FKBP6: variants seen among roughly 807,000 people sequenced by gnomAD.
The protein encoded by FKBP6 is FKBP prolyl isomerase family member 6 (inactive).
A neutral mutation model predicts 41.7 loss-of-function variants in FKBP6; 29 were observed. The ratio of observed to expected loss-of-function variants is 0.70; its 90% CI spans 0.52 to 0.95. FKBP6 has a LOEUF of 0.95. FKBP6 is among the 40% of genes least tolerant of loss of function. FKBP6 has a pLI of 0.00. For missense variants in FKBP6, 338 were observed against 408.7 expected (o/e 0.83, Z 1.49); for synonymous variants, 130 against 165.1 (o/e 0.79, Z 1.63).
intron 8 of FKBP6, among the ~76,000 whole-genome samples, chr7:73,348,283 A>T (rs1217341430): frequency 6.6e-6 from 1 of 152,102 alleles, no homozygotes; most frequent in Admixed American, 6.6e-5. Flanking sequence ...TGTCTTTTTC[A>T]TAATGCCACA....
chr7:73,333,447 C>T (rs1554548048), intron 5 of FKBP6, among the ~76,000 whole-genome samples: 1 of 152,206 alleles, frequency 6.6e-6, no homozygotes, highest in Admixed American at 6.5e-5. Flanking sequence ...TCCCAGCTTC[C>T]CATGAGCTTA....
intron 8 of FKBP6, among the ~76,000 whole-genome samples, chr7:73,346,503 G>A (rs1242373795): frequency 1.3e-5 from 2 of 152,218 alleles, no homozygotes; most frequent in Non-Finnish European, 2.9e-5. Context: ...GGGGCCCCAG[G>A]AGGGAGTTGT....
chr7:73,356,325 A>G (rs372297973), intron 8 of FKBP6, among the ~76,000 whole-genome samples: 1 of 152,186 alleles, frequency 6.6e-6, no homozygotes, highest in African/African-American at 2.4e-5. Context: ...TCATGGAGCT[A>G]TCCTCACGCC....
In FKBP6 at chr7:73,340,501, G is replaced by C. The variant is rs1259344504; in HGVS notation, c.589-137G>C. 15 of 719,780 alleles carry C rather than the reference G, an allele frequency of 2.1e-5. 1 individual carries two copies. In the African/African-American group the frequency reaches 2.3e-4, roughly 11 times the overall value. 44.6% of individuals were successfully genotyped at this position (719,780 alleles called of 1,614,324 possible). A position where few individuals can be genotyped will look rare whatever the true frequency, so the allele number is the denominator to read the frequency against. On this transcript the variant is annotated intron_variant, in intron 5 of 8. Coordinates refer to ENST00000252037, the MANE Select transcript of FKBP6 (RefSeq NM_003602.5). ...AAAAGAAGAAAAAAGAAATATACCT[G>C]ACTTCTTATGTTGATCTTGTGTCTT...
chr7:73,353,192 G>C (rs1326335355), intron 8 of FKBP6, among the ~76,000 whole-genome samples: 1 of 151,718 alleles, frequency 6.6e-6, no homozygotes, highest in Non-Finnish European at 1.5e-5. Flanking sequence ...TGACCCTCCT[G>C]CCTCCCTTTT....
At chr7:73,356,652 G>C (rs1258423261) in intron 8 of FKBP6, among the ~76,000 whole-genome samples, 7 of 152,174 alleles carry the variant, frequency 4.6e-5, no homozygotes, top group Non-Finnish European at 7.3e-5. Flanking sequence ...ACACCTTTCT[G>C]ATGTTTTTAA....
chr7:73,344,230 C>T lies in FKBP6; in HGVS notation c.*2+1331C>T, dbSNP rs117572401. On this transcript the variant is annotated intron_variant, in intron 8 of 8. Coordinates refer to ENST00000252037, the MANE Select transcript of FKBP6 (RefSeq NM_003602.5). The stretch of plus-strand genomic sequence containing the variant: ...ACAAGTCCTGTCATGAATGAAGACC[C>T]AGGTCTGCCAGGGTCCATCCCAGAC... 1.3e-3 allele frequency among the ~76,000 whole-genome samples: 202 copies of T among 152,324 alleles called. 4 individuals carry two copies. The East Asian group carries it at 0.037, about 28-fold the overall frequency.
At chr7:73,343,701 C>T (rs1217163406) in intron 8 of FKBP6, among the ~76,000 whole-genome samples, 1 of 152,148 alleles carries the variant, frequency 6.6e-6, no homozygotes, top group Non-Finnish European at 1.5e-5. Flanking sequence ...GATAACCCTC[C>T]AGTCTGAACC....
rs183854288 is a variant in FKBP6 at position 73,332,317 on chromosome 7, C to T, written c.588+541C>T. The stretch of plus-strand genomic sequence containing the variant: ...TGGCCAACATGGTGAAACCCCGTCT[C>T]TACTAAAAATACAAAATTAGCCGGG... On this transcript the variant is annotated intron_variant, in intron 5 of 8. Transcript: ENST00000252037. Among the ~76,000 whole-genome samples, 22 of 151,946 alleles carry T rather than the reference C, an allele frequency of 1.4e-4. No homozygotes were observed. The East Asian group carries it at 4.3e-3, about 30-fold the overall frequency.
intron 5 of FKBP6, among the ~76,000 whole-genome samples, chr7:73,333,538 A>G (rs1201697309): frequency 6.6e-6 from 1 of 152,074 alleles, no homozygotes; most frequent in Non-Finnish European, 1.5e-5. Context: ...TCTTAACATA[A>G]CACAAGCACC....
rs142842871 is a variant in FKBP6 at position 73,337,400 on chromosome 7, C to T, written c.589-3238C>T. On this transcript the variant is annotated intron_variant, in intron 5 of 8. Transcript: ENST00000252037. ...GCCATCTCGGCCTCACTACAACCTC[C>T]GCCTCCCAGGTTCAAGGGATTCTCC... Among the ~76,000 whole-genome samples the T allele has an allele frequency of 1.0e-3, 157 of 151,182 alleles. No homozygotes were observed. In the East Asian group the frequency reaches 0.024, roughly 23 times the overall value.
chr7:73,351,464 T>C lies in FKBP6; in HGVS notation c.*3-6717T>C, dbSNP rs577091446. 7.2e-5 allele frequency among the ~76,000 whole-genome samples: 11 copies of C among 152,332 alleles called. No individual in the cohort carries two copies. The East Asian group carries it at 1.9e-3, about 27-fold the overall frequency. On this transcript the variant is annotated intron_variant, in intron 8 of 8. Transcript: ENST00000252037. ...TTCTCTTATTGTCAGATGAAGGCCA[T>C]GCCCTGTTCCAGGCAAACTGTGTGA...
chr7:73,335,607 T>C lies in FKBP6; in HGVS notation c.588+3831T>C, dbSNP rs1804982640. ...TGATTGCTGAGGCCATCTGGACACATAGGGGCAGTGGACGGGGTGGGGAAC... is the reference window on the plus strand; with the variant it reads ...TGATTGCTGAGGCCATCTGGACACACAGGGGCAGTGGACGGGGTGGGGAAC... On this transcript the variant is annotated intron_variant, in intron 5 of 8. Transcript: ENST00000252037. Among the ~76,000 whole-genome samples the C allele has an allele frequency of 2.0e-5, 3 of 152,162 alleles. No homozygotes were observed. The South Asian group carries it at 6.2e-4, about 31-fold the overall frequency.
chr7:73,329,261 A>C, intron 2 of FKBP6, 99 bp from the exon 3 acceptor site: 2 of 816,716 alleles, frequency 2.4e-6, no homozygotes, highest in East Asian at 4.8e-5. Flanking sequence ...GCTTAAGCTC[A>C]TCTGTTCACA....
chr7:73,343,047 T>G, intron 8 of FKBP6, 148 bp downstream of exon 8: 1 of 710,168 alleles, frequency 1.4e-6, no homozygotes, highest in Non-Finnish European at 2.6e-6. Context: ...ACAACGGTAG[T>G]GCAGGATGCA....
intron 8 of FKBP6, among the ~76,000 whole-genome samples, chr7:73,356,904 C>T (rs1469352012): frequency 5.3e-5 from 8 of 152,158 alleles, no homozygotes; most frequent in Admixed American, 6.5e-5. Context: ...CCTCAGCCTC[C>T]CGAGTAGCTG....
At position 73,335,323 on chromosome 7, in the gene FKBP6, C is replaced by T. The variant is rs183373689; in HGVS notation, c.588+3547C>T. On this transcript the variant is annotated intron_variant, in intron 5 of 8. Coordinates refer to ENST00000252037, the MANE Select transcript of FKBP6 (RefSeq NM_003602.5). ...TTGGTGGGGCAGGTTGCAGTGTGGT[C>T]AAAGACAGCCTGCACACATTAGAGT... Among the ~76,000 whole-genome samples the T allele has an allele frequency of 8.0e-3, 1,212 of 152,186 alleles. 24 individuals are homozygous for T. The highest frequency in any genetic ancestry group is 6.4e-3 in the Non-Finnish European group (437 of 68,004).
chr7:73,341,590 C>T (rs1554549606), intron 7 of FKBP6, among the ~76,000 whole-genome samples: 1 of 151,768 alleles, frequency 6.6e-6, no homozygotes, highest in Admixed American at 6.6e-5. Flanking sequence ...CCAGACTATA[C>T]ATCTCCATCA....
At chr7:73,351,602 T>C (rs138774897) in intron 8 of FKBP6, among the ~76,000 whole-genome samples, 1 of 152,162 alleles carries the variant, frequency 6.6e-6, no homozygotes, top group African/African-American at 2.4e-5. Context: ...CTTCGGTGGC[T>C]GCCTTTTCAT....
Sources: gnomAD v4.1 joint callset for allele counts (sites outside exome capture counted in the v4.1 genomes callset) on GRCh38, gnomAD v4.1.1 for gene constraint, MANE v1.5 for transcripts, NCBI Gene and HGNC (gene_info 2026-07-23, HGNC 2026-07-21) for gene names.